The following FOXP2 variants were observed in gnomAD, a reference collection of about 807,000 sequenced individuals.
FOXP2 encodes the protein forkhead box P2.
FOXP2 carries 12 observed loss-of-function variants against 115.8 expected under a neutral mutation model. That is an observed-to-expected ratio of 0.10 (90% CI 0.07 to 0.17). The LOEUF (loss-of-function observed/expected upper bound fraction) is 0.17. FOXP2 is among the 10% of genes least tolerant of loss of function. The probability of loss-of-function intolerance (pLI) is 1.00; values close to 1 mark genes in which losing one functional copy is unlikely to be tolerated. For missense variants in FOXP2, 629 were observed against 843.5 expected (o/e 0.75, Z 3.15); for synonymous variants, 328 against 297.7 (o/e 1.10, Z -1.05).
intron 1 of FOXP2, among the ~76,000 whole-genome samples, chr7:114,274,648 T>C (rs1322616631): frequency 7.8e-6 from 1 of 127,832 alleles, no homozygotes; most frequent in Non-Finnish European, 1.6e-5. Context: ...AGGATCTTAC[T>C]CTGTTGTCTG....
At chr7:114,652,419 G>T in intron 9 of FOXP2, 129 bp downstream of exon 9, 5 of 777,312 alleles carry the variant, frequency 6.4e-6, no homozygotes, top group Non-Finnish European at 1.1e-5. Flanking sequence ...GGAGATACAT[G>T]ATATTTTAGA....
chr7:114,530,980 T>G (rs947210087), intron 2 of FOXP2, among the ~76,000 whole-genome samples: 56 of 151,992 alleles, frequency 3.7e-4, no homozygotes, highest in African/African-American at 1.3e-3. Flanking sequence ...TAACCTGATT[T>G]CAAATTTTAA....
At chr7:114,176,150 C>T (rs903018130) in intron 1 of FOXP2, among the ~76,000 whole-genome samples, 3 of 151,900 alleles carry the variant, frequency 2.0e-5, no homozygotes, top group Non-Finnish European at 2.9e-5. Context: ...GATTTATAAA[C>T]ATTGATCCAC....
chr7:114,261,264 C>T (rs563212994), intron 1 of FOXP2, among the ~76,000 whole-genome samples: 18 of 152,304 alleles, frequency 1.2e-4, no homozygotes, highest in African/African-American at 4.1e-4. Flanking sequence ...TCCCACCTGA[C>T]ATGAACTCAC....
intron 1 of FOXP2, among the ~76,000 whole-genome samples, chr7:114,119,503 G>A (rs376271164): frequency 2.9e-4 from 44 of 152,112 alleles, no homozygotes; most frequent in African/African-American, 9.6e-4. Flanking sequence ...CACTTTGGGA[G>A]GCCGAAGTGG....
At chr7:114,654,274 A>G (rs1806450973) in intron 10 of FOXP2, 1 of 729,996 alleles carries the variant, frequency 1.4e-6, no homozygotes, top group Admixed American at 3.3e-5. Context: ...GGCTGAAGCC[A>G]GAGAGAATTT....
intron 2 of FOXP2, among the ~76,000 whole-genome samples, chr7:114,504,263 A>C (rs1263254451): frequency 6.6e-6 from 1 of 151,620 alleles, no homozygotes; most frequent in Non-Finnish European, 1.5e-5. Flanking sequence ...GCAGTTATTC[A>C]GAATCTTTTA....
chr7:114,375,824 A>G (rs1792125153), intron 2 of FOXP2, among the ~76,000 whole-genome samples: 2 of 152,192 alleles, frequency 1.3e-5, no homozygotes, highest in South Asian at 2.1e-4. Flanking sequence ...TCTGGGCTTA[A>G]AAGACTCAAG....
At chr7:114,420,001 G>A (rs1252006842) in intron 1 of FOXP2, 1 of 152,048 alleles carries the variant, frequency 6.6e-6, no homozygotes, top group Non-Finnish European at 1.5e-5. Flanking sequence ...CCAAAAGATA[G>A]CCTGGAAGTA....
chr7:114,565,322 T>C (rs534219012), intron 3 of FOXP2, among the ~76,000 whole-genome samples: 203 of 152,238 alleles, frequency 1.3e-3, no homozygotes, highest in Non-Finnish European at 2.3e-3. Context: ...AGTTTATAGC[T>C]CATAGTAGGT....
At chr7:114,408,521 G>A (rs916462976) in intron 2 of FOXP2, among the ~76,000 whole-genome samples, 24 of 152,114 alleles carry the variant, frequency 1.6e-4, no homozygotes, top group South Asian at 1.4e-3. Context: ...GAGGTCAGGA[G>A]TTCCAGACCA....
intron 2 of FOXP2, among the ~76,000 whole-genome samples, chr7:114,383,568 C>T (rs1320524990): frequency 2.0e-5 from 3 of 152,146 alleles, no homozygotes; most frequent in African/African-American, 4.8e-5. Context: ...CACTTCACTC[C>T]ATTTGCCTTC....
intron 2 of FOXP2, among the ~76,000 whole-genome samples, chr7:114,471,984 A>G (rs1796069541): frequency 6.6e-6 from 1 of 151,442 alleles, no homozygotes; most frequent in Non-Finnish European, 1.5e-5. Context: ...AAAAAGAAAG[A>G]CTTATTTTTT....
At chr7:114,483,930 ACTT>A (rs553760045) in intron 2 of FOXP2, among the ~76,000 whole-genome samples, 31 of 151,880 alleles carry the variant, frequency 2.0e-4, no homozygotes, top group Non-Finnish European at 3.2e-4. Context: ...TTACTGGTCT[ACTT>A]CTTCTAGTAC....
intron 2 of FOXP2, among the ~76,000 whole-genome samples, chr7:114,347,272 T>G (rs1185142880): frequency 1.3e-5 from 2 of 151,910 alleles, no homozygotes; most frequent in Non-Finnish European, 2.9e-5. Context: ...ATAAGGTACA[T>G]GTATGTATGT....
intron 10 of FOXP2, 139 bp downstream of exon 10, chr7:114,654,148 T>A: frequency 6.5e-7 from 1 of 1,538,824 alleles, no homozygotes; most frequent in Non-Finnish European, 8.8e-7. Flanking sequence ...ATGTAATCGC[T>A]TGTCAAATTG....
chr7:114,572,542 A>T lies in FOXP2; in HGVS notation c.258+37836A>T, dbSNP rs764388772. On this transcript the variant is annotated intron_variant, in intron 3 of 16. Transcript: ENST00000350908. Reference sequence around the variant, plus strand: ...AAATTTTAGGTAAACATCAAGTGCAATTATATTCTTTAACTTAATAAAGAA... The same window carrying T: ...AAATTTTAGGTAAACATCAAGTGCATTTATATTCTTTAACTTAATAAAGAA... 5.2e-4 allele frequency among the ~76,000 whole-genome samples: 79 copies of T among 151,984 alleles called. 1 individual carries two copies. The highest frequency in any genetic ancestry group is 1.5e-3 in the African/African-American group (61 of 41,528).
intron 1 of FOXP2, among the ~76,000 whole-genome samples, chr7:114,093,528 C>T (rs1799582906): frequency 6.6e-6 from 1 of 152,054 alleles, no homozygotes; most frequent in African/African-American, 2.4e-5. Flanking sequence ...TGGGAAGAGC[C>T]CCATAAGTAA....
At chr7:114,459,511 T>C (rs932571078) in intron 2 of FOXP2, among the ~76,000 whole-genome samples, 2 of 152,248 alleles carry the variant, frequency 1.3e-5, no homozygotes, top group Non-Finnish European at 2.9e-5. Context: ...TTCGTCCAAA[T>C]ATTTTATTCT....
Sources: allele counts gnomAD v4.1 joint callset (sites outside exome capture counted in the v4.1 genomes callset), GRCh38; gene constraint gnomAD v4.1.1; transcripts MANE v1.5; gene names NCBI Gene and HGNC (gene_info 2026-07-23, HGNC 2026-07-21).